Variants in DMXL1 observed in about 807,000 individuals in gnomAD.
DMXL1 encodes dmX-like protein 1.
In DMXL1, 99 loss-of-function variants were observed where a neutral mutation model predicts 319.2. The ratio of observed to expected loss-of-function variants is 0.31; its 90% CI spans 0.26 to 0.37. The LOEUF (loss-of-function observed/expected upper bound fraction) is 0.37. Ranked by LOEUF, DMXL1 falls within the 10% of genes least tolerant of loss-of-function variation. DMXL1 has a pLI of 1.00. For missense variants in DMXL1, 3,745 were observed against 3,595.6 expected (o/e 1.04, Z -1.06); for synonymous variants, 1,385 against 1,235.2 (o/e 1.12, Z -2.54).
intron 19 of DMXL1, among the ~76,000 whole-genome samples, chr5:119,164,093 G>T (rs1395080765): frequency 1.4e-5 from 2 of 148,052 alleles, no homozygotes; most frequent in Middle Eastern, 3.2e-3. Context: ...CTGCTTGCTT[G>T]ATGTTTTTTT....
intron 8 of DMXL1, among the ~76,000 whole-genome samples, chr5:119,120,738 T>G (rs758564105): frequency 6.6e-6 from 1 of 152,226 alleles, no homozygotes; most frequent in Non-Finnish European, 1.5e-5. Context: ...TGTGTGAGGA[T>G]TAAGAGAACA....
At chr5:119,146,346 C>T (rs750829367) in intron 15 of DMXL1, among the ~76,000 whole-genome samples, 17 of 151,808 alleles carry the variant, frequency 1.1e-4, no homozygotes, top group South Asian at 2.1e-4. Flanking sequence ...TTGAGCAACT[C>T]GTGTGCTGTT....
chr5:119,121,265 T>C, intron 9 of DMXL1, 126 bp downstream of exon 9: 1 of 661,292 alleles, frequency 1.5e-6, no homozygotes, highest in Non-Finnish European at 2.2e-6. Flanking sequence ...TATTTTTCTT[T>C]TTTTTTTCTT....
chr5:119,176,271 G>A (rs1489616015), intron 26 of DMXL1, among the ~76,000 whole-genome samples: 1 of 151,946 alleles, frequency 6.6e-6, no homozygotes, highest in Admixed American at 6.6e-5. Context: ...GGTTTCTCAG[G>A]TGAAGATCTT....
Position 119,173,776 on chromosome 5 carries a change from G to GTGTGTATATA in DMXL1, c.6682-1484_6682-1483insGTGTATATAT. Among the ~76,000 whole-genome samples, 10 of 67,170 alleles carry GTGTGTATATA rather than the reference G, an allele frequency of 1.5e-4. 1 individual carries two copies. The highest frequency in any genetic ancestry group is 5.6e-4 in the African/African-American group (10 of 17,978). The allele number at this position is 67,170 out of a possible 152,430, so 44.1% of individuals were successfully genotyped here. A position where few individuals can be genotyped will look rare whatever the true frequency, so the allele number is the denominator to read the frequency against. Reference sequence around the variant, plus strand: ...TGTGTATATATATATATGTGTGTGTGTATATATATATATATATATATAATG... The same window carrying GTGTGTATATA: ...TGTGTATATATATATATGTGTGTGTGTGTGTATATATATATATATATATATATATATAATG... On this transcript the variant is annotated intron_variant, in intron 25 of 43. Coordinates refer to ENST00000539542, the MANE Select transcript of DMXL1 (RefSeq NM_001290321.3).
chr5:119,239,899 G>A (rs544465785), intron 41 of DMXL1, among the ~76,000 whole-genome samples: 1 of 150,336 alleles, frequency 6.7e-6, no homozygotes, highest in East Asian at 2.0e-4. Flanking sequence ...AGAGGTTGCA[G>A]TGAGCCAAGA....
chr5:119,239,924 T>C (rs1370214549), intron 41 of DMXL1, among the ~76,000 whole-genome samples: 1 of 140,070 alleles, frequency 7.1e-6, no homozygotes, highest in Non-Finnish European at 1.5e-5. Context: ...ACCATTGCAC[T>C]CCAGCCTAGG....
chr5:119,196,489 C>A, intron 31 of DMXL1, 33 bp downstream of exon 31: 7 of 1,276,262 alleles, frequency 5.5e-6, no homozygotes, highest in Non-Finnish European at 8.0e-6. Context: ...CTAATGGTGC[C>A]ATTGCTTTTG....
At position 119,167,653 on chromosome 5, in the gene DMXL1, A is replaced by G. The variant is rs761029829; in HGVS notation, c.5187A>G (p.Arg1729=). ...NDIQLALVIA[R]LYESEFDTSA... ...TTCAGTTGGCTCTTGTAATAGCAAG[A>G]CTCTATGAGTCTGAATTTGATACAT... The change falls in exon 23 of 44, where the codon AGA becomes AGG. Residue 1729 remains arginine (R), a synonymous_variant. Transcript: ENST00000539542. The G allele has an allele frequency of 8.7e-6, 14 of 1,611,666 alleles. No individual in the cohort carries two copies. The highest frequency in any genetic ancestry group is 1.1e-5 in the Non-Finnish European group (13 of 1,178,704).
At chr5:119,136,061 T>G (rs1053386222) in intron 13 of DMXL1, among the ~76,000 whole-genome samples, 2 of 152,362 alleles carry the variant, frequency 1.3e-5, no homozygotes, top group South Asian at 4.1e-4. Flanking sequence ...AAAATGCTGA[T>G]AGTGATACGG....
chr5:119,225,392 G>T (rs553655150), intron 38 of DMXL1, among the ~76,000 whole-genome samples: 153 of 151,940 alleles, frequency 1.0e-3, no homozygotes, highest in African/African-American at 2.9e-3. Flanking sequence ...TTTATTGGAG[G>T]TATTGATTCT....
In DMXL1 at chr5:119,165,296, A is replaced by G; in HGVS notation, c.4970+16A>G. ...GATTATATAGGTAGGTAAAAAAAAA[A>G]AAAAAAAAGGGTGCTTCAATGTGAA... On this transcript the variant is annotated intron_variant, in intron 21 of 43. Transcript: ENST00000539542. 1 of 1,388,732 alleles carries G rather than the reference A, an allele frequency of 7.2e-7. No homozygotes were observed. Among genetic ancestry groups the G allele is most frequent in the Non-Finnish European group, 1.0e-6 (1 of 1,004,692 alleles). 86.0% of individuals were successfully genotyped at this position (1,388,732 alleles called of 1,614,324 possible).
In DMXL1 at chr5:119,207,637, A is replaced by G. The variant is rs142724833; in HGVS notation, c.7926+741A>G. Among the ~76,000 whole-genome samples, 1,367 of 151,248 alleles carry G rather than the reference A, an allele frequency of 9.0e-3. 20 individuals carry two copies. The highest frequency in any genetic ancestry group is 0.036 in the South Asian group (170 of 4,766). On this transcript the variant is annotated intron_variant, in intron 34 of 43. Transcript: ENST00000539542. ...AGGTTCAAGCGATTCTCCTGCCTCA[A>G]CCTCCCTAGTAGCTGGGATTATAGG...
At chr5:119,214,008 A>G (rs1218776352) in intron 34 of DMXL1, among the ~76,000 whole-genome samples, 2 of 152,130 alleles carry the variant, frequency 1.3e-5, no homozygotes, top group Non-Finnish European at 2.9e-5. Flanking sequence ...CCCAGAATTC[A>G]GTTCTCTAAC....
Position 119,153,114 on chromosome 5 carries a change from C to G in DMXL1, c.4702+1078C>G, listed in dbSNP as rs148454139. On this transcript the variant is annotated intron_variant, in intron 19 of 43. Transcript: ENST00000539542. ...GCCTCAGCCTCTCGAATACCTGGGA[C>G]TACAGGCGCACACCACCACGCCTGG... 8.5e-3 allele frequency among the ~76,000 whole-genome samples: 1,290 copies of G among 152,072 alleles called. 16 individuals are homozygous for G. Among genetic ancestry groups the G allele is most frequent in the African/African-American group, 0.029 (1,223 of 41,484 alleles).
In DMXL1 at chr5:119,233,292, CAA is replaced by C. The variant is rs775322199; in HGVS notation, c.8339-46_8339-45del. ...CATAGGATAAAGAAATAACTTTTCC[CAA>C]AGATTCTTGAAATAAATCTGCAATT... On this transcript the variant is annotated intron_variant, in intron 38 of 43. Coordinates refer to ENST00000539542, the MANE Select transcript of DMXL1 (RefSeq NM_001290321.3). 3.3e-5 allele frequency: 52 copies of C among 1,577,274 alleles called. No homozygotes were observed. In the East Asian group the frequency reaches 9.7e-4, roughly 30 times the overall value.
chr5:119,130,563 G>A (rs1032407131), intron 10 of DMXL1, among the ~76,000 whole-genome samples: 1 of 152,030 alleles, frequency 6.6e-6, no homozygotes, highest in African/African-American at 2.4e-5. Context: ...GACTGGTCTC[G>A]AACTCCTGAC....
intron 2 of DMXL1, among the ~76,000 whole-genome samples, chr5:119,100,900 C>T (rs530523547): frequency 1.1e-3 from 165 of 150,982 alleles, no homozygotes; most frequent in African/African-American, 3.9e-3. Context: ...CTGCCTCAGC[C>T]TCCCGAGTAG....
intron 37 of DMXL1, among the ~76,000 whole-genome samples, chr5:119,222,016 A>G (rs1246176115): frequency 2.0e-5 from 3 of 152,192 alleles, no homozygotes; most frequent in African/African-American, 7.2e-5. Context: ...TCAGAATTTC[A>G]TAAGTACTGT....
Sources: gnomAD v4.1 joint callset for allele counts (sites outside exome capture counted in the v4.1 genomes callset) on GRCh38, gnomAD v4.1.1 for gene constraint, MANE v1.5 for transcripts, NCBI Gene and HGNC (gene_info 2026-07-23, HGNC 2026-07-21) for gene names.